Variants in GALNT17 observed in about 807,000 individuals in gnomAD.
GALNT17 encodes the protein UDP-GalNAc:polypeptide N-acetylgalactosaminyltransferase-like 3.
In GALNT17, 29 loss-of-function variants were observed where a neutral mutation model predicts 63.7. That is an observed-to-expected ratio of 0.46 (90% CI 0.34 to 0.62). The LOEUF (loss-of-function observed/expected upper bound fraction) is 0.62. GALNT17 is among the 20% of genes least tolerant of loss of function. GALNT17 has a pLI of 0.01. For synonymous variants in GALNT17, 305 were observed against 318.3 expected (o/e 0.96, Z 0.45); for missense variants, 603 against 799.6 (o/e 0.75, Z 2.97).
At chr7:71,605,159 C>T (rs546268423) in intron 6 of GALNT17, among the ~76,000 whole-genome samples, 3 of 152,278 alleles carry the variant, frequency 2.0e-5, no homozygotes, top group East Asian at 3.9e-4. Flanking sequence ...AAACTTGGCT[C>T]GCTCTTGAAT....
chr7:71,305,619 C>T (rs1325154369), intron 1 of GALNT17, among the ~76,000 whole-genome samples: 1 of 152,156 alleles, frequency 6.6e-6, no homozygotes, highest in Non-Finnish European at 1.5e-5. Context: ...GGTGTTATGA[C>T]AACGGTGAGG....
At chr7:71,537,052 C>G (rs936341669) in intron 5 of GALNT17, among the ~76,000 whole-genome samples, 4 of 152,154 alleles carry the variant, frequency 2.6e-5, no homozygotes, top group African/African-American at 9.7e-5. Flanking sequence ...CATGTTCATC[C>G]CATTGCATAT....
intron 5 of GALNT17, among the ~76,000 whole-genome samples, chr7:71,514,907 T>C (rs140765230): frequency 7.7e-4 from 118 of 152,312 alleles, no homozygotes; most frequent in African/African-American, 2.6e-3. Flanking sequence ...TGGTGGGAGA[T>C]AATTCAATCA....
intron 1 of GALNT17, among the ~76,000 whole-genome samples, chr7:71,231,952 TA>T (rs1257171401): frequency 2.6e-5 from 4 of 152,012 alleles, no homozygotes; most frequent in Non-Finnish European, 1.5e-5. Flanking sequence ...GCACAGGCAT[TA>T]AGTCCATAAC....
At chr7:71,232,175 G>A (rs1201830651) in intron 1 of GALNT17, among the ~76,000 whole-genome samples, 1 of 152,158 alleles carries the variant, frequency 6.6e-6, no homozygotes, top group East Asian at 1.9e-4. Flanking sequence ...GTCATAAAGT[G>A]TGTGGATGCG....
intron 2 of GALNT17, among the ~76,000 whole-genome samples, chr7:71,342,183 T>G (rs981892434): frequency 1.3e-5 from 2 of 152,168 alleles, no homozygotes; most frequent in Admixed American, 6.6e-5. Flanking sequence ...CCAGGAAGCA[T>G]GGTGCTTGGC....
chr7:71,505,193 C>G (rs958744783), intron 5 of GALNT17, among the ~76,000 whole-genome samples: 5 of 152,176 alleles, frequency 3.3e-5, no homozygotes, highest in Admixed American at 2.6e-4. Flanking sequence ...TCCTCCTCTT[C>G]TTCCTGCCAC....
At chr7:71,134,518 C>T (rs1787745643) in intron 1 of GALNT17, among the ~76,000 whole-genome samples, 1 of 152,102 alleles carries the variant, frequency 6.6e-6, no homozygotes, top group Non-Finnish European at 1.5e-5. Context: ...TGAAAGGACG[C>T]TGCGGTCTTC....
intron 2 of GALNT17, among the ~76,000 whole-genome samples, chr7:71,364,632 C>CTG (rs1359883284): frequency 3.9e-5 from 6 of 152,094 alleles, no homozygotes; most frequent in Non-Finnish European, 8.8e-5. Context: ...TTTTTAAACC[C>CTG]AGGCATGGAG....
At chr7:71,156,399 T>C (rs1000494276) in intron 1 of GALNT17, among the ~76,000 whole-genome samples, 24 of 151,752 alleles carry the variant, frequency 1.6e-4, no homozygotes, top group Non-Finnish European at 1.9e-4. Flanking sequence ...AGGTGGGATG[T>C]GACTTGGGAA....
intron 3 of GALNT17, among the ~76,000 whole-genome samples, chr7:71,398,857 T>A (rs966154386): frequency 1.3e-5 from 2 of 152,232 alleles, no homozygotes; most frequent in African/African-American, 4.8e-5. Context: ...TATCAGTTTT[T>A]AAAAAGCTGA....
At chr7:71,363,983 C>G (rs191842287) in intron 2 of GALNT17, among the ~76,000 whole-genome samples, 119 of 152,280 alleles carry the variant, frequency 7.8e-4, no homozygotes, top group African/African-American at 2.8e-3. Flanking sequence ...TTAAAGTATG[C>G]AAGGAGGCAG....
At chr7:71,422,584 G>A (rs1786686076) in intron 5 of GALNT17, among the ~76,000 whole-genome samples, 1 of 152,246 alleles carries the variant, frequency 6.6e-6, no homozygotes, top group Non-Finnish European at 1.5e-5. Context: ...CCCCTAGGGG[G>A]ATCATGCAGA....
chr7:71,661,457 A>G (rs1790906156), intron 6 of GALNT17, among the ~76,000 whole-genome samples: 1 of 152,088 alleles, frequency 6.6e-6, no homozygotes, highest in Non-Finnish European at 1.5e-5. Flanking sequence ...GAAAGTGGAG[A>G]GTAGAGGAGA....
At chr7:71,150,869 G>A (rs1015591028) in intron 1 of GALNT17, among the ~76,000 whole-genome samples, 19 of 151,704 alleles carry the variant, frequency 1.3e-4, no homozygotes, top group African/African-American at 2.9e-4. Flanking sequence ...AGCCAGGCCC[G>A]GTAGTGTGTG....
chr7:71,549,044 A>T (rs1157017395), intron 5 of GALNT17, among the ~76,000 whole-genome samples: 1 of 152,068 alleles, frequency 6.6e-6, no homozygotes, highest in Non-Finnish European at 1.5e-5. Context: ...CAGCTACTGG[A>T]CCTGGTACTG....
intron 2 of GALNT17, among the ~76,000 whole-genome samples, chr7:71,361,813 A>C (rs983021175): frequency 6.6e-6 from 1 of 152,122 alleles, no homozygotes; most frequent in African/African-American, 2.4e-5. Flanking sequence ...AGAGACAGAG[A>C]GAGAGAGAGA....
intron 5 of GALNT17, among the ~76,000 whole-genome samples, chr7:71,533,356 T>G (rs2116786036): frequency 6.6e-6 from 1 of 152,334 alleles, no homozygotes; most frequent in Non-Finnish European, 1.5e-5. Context: ...AAATTTCTGG[T>G]TTCTGTAGCA....
chr7:71,600,931 A>G (rs1789958151), intron 6 of GALNT17, among the ~76,000 whole-genome samples: 1 of 151,910 alleles, frequency 6.6e-6, no homozygotes, highest in South Asian at 2.1e-4. Context: ...CTTCCCCCCA[A>G]GTCCCCAAAG....
Sources: gnomAD v4.1 joint callset for allele counts (sites outside exome capture counted in the v4.1 genomes callset) on GRCh38, gnomAD v4.1.1 for gene constraint, MANE v1.5 for transcripts, NCBI Gene and HGNC (gene_info 2026-07-23, HGNC 2026-07-21) for gene names.